ABTB3: variants seen among roughly 807,000 people sequenced by gnomAD.
The protein encoded by ABTB3 is ankyrin repeat and BTB domain containing 3.
At chr12:107,362,294 G>C in the ABTB3 span, among the ~76,000 whole-genome samples, 3 of 152,230 alleles carry the variant, frequency 2.0e-5, no homozygotes, top group Non-Finnish European at 2.9e-5. Flanking sequence ...CTTGCTTCCT[G>C]CTAGTAGCTG....
the ABTB3 span, among the ~76,000 whole-genome samples, chr12:107,495,987 C>T: frequency 6.6e-6 from 1 of 152,160 alleles, no homozygotes; most frequent in South Asian, 2.1e-4. Context: ...GTCTCAGTCC[C>T]CTCAATTCTG....
At chr12:107,342,875 T>C in the ABTB3 span, among the ~76,000 whole-genome samples, 52 of 152,352 alleles carry the variant, frequency 3.4e-4, 1 homozygote, top group Non-Finnish European at 6.0e-4. Context: ...AGGCTTTGCT[T>C]GCTGTCTGTA....
chr12:107,519,872 A>G, the ABTB3 span, among the ~76,000 whole-genome samples: 1 of 152,180 alleles, frequency 6.6e-6, no homozygotes, highest in Non-Finnish European at 1.5e-5. Flanking sequence ...TGTTTATGGA[A>G]TGGAAAGGAA....
the ABTB3 span, among the ~76,000 whole-genome samples, chr12:107,588,677 C>T: frequency 6.6e-6 from 1 of 152,144 alleles, no homozygotes. Flanking sequence ...CGTGCCACCA[C>T]GCCCGGCTAC....
the ABTB3 span, among the ~76,000 whole-genome samples, chr12:107,369,398 T>TTG: frequency 2.0e-5 from 3 of 151,106 alleles, no homozygotes; most frequent in Non-Finnish European, 4.4e-5. Context: ...AAGGGTTTTT[T>TTG]TTTTTTTTTT....
chr12:107,444,831 G>A, the ABTB3 span, among the ~76,000 whole-genome samples: 6 of 152,210 alleles, frequency 3.9e-5, no homozygotes, highest in African/African-American at 1.4e-4. Context: ...CAGGCCCCCC[G>A]TGAGGCCTAG....
the ABTB3 span, among the ~76,000 whole-genome samples, chr12:107,491,998 T>C: frequency 6.6e-6 from 1 of 151,692 alleles, no homozygotes; most frequent in African/African-American, 2.4e-5. Flanking sequence ...CTAGTCCATC[T>C]CCCCAGGAGA....
chr12:107,357,692 G>A, the ABTB3 span, among the ~76,000 whole-genome samples: 2 of 152,110 alleles, frequency 1.3e-5, no homozygotes, highest in Non-Finnish European at 2.9e-5. Flanking sequence ...TATTTTACTG[G>A]GGCTAAAATA....
At chr12:107,332,336 A>C in the ABTB3 span, among the ~76,000 whole-genome samples, 1 of 152,018 alleles carries the variant, frequency 6.6e-6, no homozygotes, top group South Asian at 2.1e-4. Flanking sequence ...CATTTGCCAC[A>C]CTCCTGGCAC....
At chr12:107,602,775 A>G in the ABTB3 span, among the ~76,000 whole-genome samples, 2 of 152,210 alleles carry the variant, frequency 1.3e-5, no homozygotes, top group Non-Finnish European at 2.9e-5. Flanking sequence ...AGATCAGCAG[A>G]ATGCATTAAC....
the ABTB3 span, among the ~76,000 whole-genome samples, chr12:107,354,633 G>A: frequency 1.3e-5 from 2 of 152,018 alleles, no homozygotes; most frequent in African/African-American, 2.4e-5. Flanking sequence ...ACCATGTTTT[G>A]TTTATCCATC....
At chr12:107,482,613 G>C in the ABTB3 span, among the ~76,000 whole-genome samples, 1 of 151,984 alleles carries the variant, frequency 6.6e-6, no homozygotes, top group African/African-American at 2.4e-5. Context: ...AAATATGCAT[G>C]GGGTGCCCAC....
At chr12:107,482,921 T>C in the ABTB3 span, among the ~76,000 whole-genome samples, 2 of 35,604 alleles carry the variant, frequency 5.6e-5, no homozygotes, top group Non-Finnish European at 9.7e-5. Flanking sequence ...TTCTTCTTTC[T>C]TTCTTTCTTT....
the ABTB3 span, among the ~76,000 whole-genome samples, chr12:107,385,944 G>C: frequency 7.8e-3 from 1,181 of 152,348 alleles, 18 homozygotes; most frequent in African/African-American, 0.023. Flanking sequence ...TTTGAGGATT[G>C]TGTGGAGTTT....
the ABTB3 span, among the ~76,000 whole-genome samples, chr12:107,504,925 C>T: frequency 2.6e-5 from 4 of 152,228 alleles, no homozygotes. Context: ...TTGCTATTAA[C>T]ACCTTTCTTT....
the ABTB3 span, among the ~76,000 whole-genome samples, chr12:107,541,847 C>A: frequency 3.3e-5 from 5 of 152,152 alleles, no homozygotes; most frequent in African/African-American, 9.6e-5. Flanking sequence ...AATCTGTACA[C>A]CACACTCCTG....
At chr12:107,502,514 G>A in the ABTB3 span, among the ~76,000 whole-genome samples, 1 of 151,950 alleles carries the variant, frequency 6.6e-6, no homozygotes, top group Admixed American at 6.6e-5. Context: ...CCCTCAAAAC[G>A]GCCACAGTAC....
the ABTB3 span, among the ~76,000 whole-genome samples, chr12:107,638,384 G>A: frequency 6.6e-6 from 1 of 152,184 alleles, no homozygotes; most frequent in South Asian, 2.1e-4. Context: ...GTCAGCCAGG[G>A]TGAGCCCAAC....
At chr12:107,440,273 A>G in the ABTB3 span, among the ~76,000 whole-genome samples, 2 of 152,108 alleles carry the variant, frequency 1.3e-5, no homozygotes, top group African/African-American at 4.8e-5. Flanking sequence ...CCAGGTTCAC[A>G]CCTTGGTGTC....
Sources: gnomAD v4.1 joint callset for allele counts (sites outside exome capture counted in the v4.1 genomes callset) on GRCh38, gnomAD v4.1.1 for gene constraint, MANE v1.5 for transcripts, NCBI Gene and HGNC (gene_info 2026-07-23, HGNC 2026-07-21) for gene names.